SPAG16: variants seen among roughly 807,000 people sequenced by gnomAD.
SPAG16 encodes sperm-associated antigen 16 protein.
In SPAG16, 86 loss-of-function variants were observed where a neutral mutation model predicts 80.4. The ratio of observed to expected loss-of-function variants is 1.07; its 90% CI spans 0.90 to 1.28. The LOEUF (loss-of-function observed/expected upper bound fraction) is 1.28. SPAG16 is among the 50% of genes most tolerant of loss of function. SPAG16 has a pLI of 0.00. For synonymous variants in SPAG16, 294 were observed against 265.9 expected (o/e 1.11, Z -1.03); for missense variants, 870 against 765.3 (o/e 1.14, Z -1.61).
chr2:213,995,826 C>T (rs932603483), intron 12 of SPAG16, among the ~76,000 whole-genome samples: 1 of 152,174 alleles, frequency 6.6e-6, no homozygotes, highest in Admixed American at 6.5e-5. Context: ...TCAGATGAAT[C>T]CTGTGGTGTT....
intron 10 of SPAG16, among the ~76,000 whole-genome samples, chr2:213,789,907 C>A (rs2070585016): frequency 6.6e-6 from 1 of 151,944 alleles, no homozygotes; most frequent in South Asian, 2.1e-4. Context: ...ATATCATTAT[C>A]ATCCAATGTA....
At chr2:213,415,031 C>T (rs1225935943) in intron 9 of SPAG16, among the ~76,000 whole-genome samples, 7 of 152,230 alleles carry the variant, frequency 4.6e-5, no homozygotes, top group Non-Finnish European at 1.0e-4. Context: ...AAAACCGCCC[C>T]CATGATTCAA....
At chr2:214,397,509 T>C (rs540453283) in intron 15 of SPAG16, among the ~76,000 whole-genome samples, 2 of 152,324 alleles carry the variant, frequency 1.3e-5, no homozygotes, top group East Asian at 3.9e-4. Context: ...TGTTCAAATT[T>C]TTCTATTCCT....
At chr2:213,911,849 A>AT (rs2077689172) in intron 11 of SPAG16, among the ~76,000 whole-genome samples, 1 of 151,742 alleles carries the variant, frequency 6.6e-6, no homozygotes. Context: ...AAAAAAAAAA[A>AT]AAATACACAC....
intron 10 of SPAG16, among the ~76,000 whole-genome samples, chr2:213,803,828 C>T (rs1430023148): frequency 6.6e-6 from 1 of 152,202 alleles, no homozygotes; most frequent in African/African-American, 2.4e-5. Context: ...GCCTCAAACT[C>T]CTGGGCTCCA....
rs190475817 is a variant in SPAG16, at chr2:214,242,225, C to T, written c.1720+92959C>T. 2.3e-3 allele frequency among the ~76,000 whole-genome samples: 343 copies of T among 152,270 alleles called. 1 individual carries two copies. The highest frequency in any genetic ancestry group is 5.0e-3 in the South Asian group (24 of 4,820). ...TCATCTTGTAACTTTCACCCAGTCA[C>T]GAAACTCACAAGACAACATACATGG... is the stretch of plus-strand genomic sequence containing the variant. On this transcript the variant is annotated intron_variant, in intron 15 of 15. Coordinates refer to ENST00000331683, the MANE Select transcript of SPAG16 (RefSeq NM_024532.5).
At chr2:213,373,297 A>G (rs1291799272) in intron 8 of SPAG16, among the ~76,000 whole-genome samples, 2 of 152,182 alleles carry the variant, frequency 1.3e-5, no homozygotes, top group African/African-American at 4.8e-5. Flanking sequence ...ATTTTTGTGT[A>G]AGTAAAAGTG....
chr2:213,853,646 G>T (rs2075018423), intron 10 of SPAG16, among the ~76,000 whole-genome samples: 1 of 152,150 alleles, frequency 6.6e-6, no homozygotes, highest in African/African-American at 2.4e-5. Flanking sequence ...ATTAACTTAG[G>T]AATGTTGTGA....
At chr2:213,922,247 G>T (rs1020466972) in intron 11 of SPAG16, among the ~76,000 whole-genome samples, 3 of 138,414 alleles carry the variant, frequency 2.2e-5, no homozygotes, top group Non-Finnish European at 4.8e-5. Flanking sequence ...CTTTATTTTT[G>T]TCTGACTGAG....
At chr2:213,602,414 A>G (rs535732812) in intron 10 of SPAG16, among the ~76,000 whole-genome samples, 1 of 152,166 alleles carries the variant, frequency 6.6e-6, no homozygotes, top group Non-Finnish European at 1.5e-5. Context: ...CGGGCAGATC[A>G]CGAGGTCAAG....
chr2:213,321,895 C>G (rs574380011), intron 5 of SPAG16, among the ~76,000 whole-genome samples: 4 of 152,088 alleles, frequency 2.6e-5, no homozygotes, highest in Non-Finnish European at 4.4e-5. Context: ...AAAAGGAGAG[C>G]ATACGTTTTC....
intron 10 of SPAG16, among the ~76,000 whole-genome samples, chr2:213,705,733 A>C (rs933122936): frequency 1.3e-5 from 2 of 152,204 alleles, no homozygotes; most frequent in African/African-American, 4.8e-5. Context: ...AAGAGAATTT[A>C]TAACATCTTG....
At chr2:213,649,197 A>G (rs766129878) in intron 10 of SPAG16, among the ~76,000 whole-genome samples, 25 of 152,360 alleles carry the variant, frequency 1.6e-4, no homozygotes, top group Non-Finnish European at 3.2e-4. Flanking sequence ...CATTTTGAAT[A>G]ATGAATTTTG....
chr2:214,248,331 ATTATTG>A (rs1198770841), intron 15 of SPAG16, among the ~76,000 whole-genome samples: 3 of 139,542 alleles, frequency 2.1e-5, no homozygotes, highest in South Asian at 2.2e-4. Context: ...TATTATTATT[ATTATTG>A]AGACAGAGTC....
In SPAG16 at chr2:213,344,842, C is replaced by T. The variant is rs927749930; in HGVS notation, c.644+4572C>T. On this transcript the variant is annotated intron_variant, in intron 6 of 15. Transcript: ENST00000331683. The stretch of plus-strand genomic sequence containing the variant: ...GTGAATAGTGCCGCAATAAACATAA[C>T]GTGTGCATGTGTATTTATAGCAGCA... Among the ~76,000 whole-genome samples, 47 of 152,074 alleles carry T rather than the reference C, an allele frequency of 3.1e-4. 1 individual carries two copies. The highest frequency in any genetic ancestry group is 7.3e-5 in the African/African-American group (3 of 41,378).
chr2:213,949,179 T>TTTTTTTTTTTTTTTTTTTTTGTTTTG (rs1553677674), intron 12 of SPAG16, among the ~76,000 whole-genome samples: 3,531 of 35,072 alleles, frequency 0.1, 194 homozygotes, highest in Non-Finnish European at 0.16. Context: ...GTTTTTTTTT[T>TTTTTTTTTTTTTTTTTTTTTGTTTTG]TTTTTTTTTT....
chr2:213,548,569 TACTC>T (rs2076689563), intron 10 of SPAG16, among the ~76,000 whole-genome samples: 2 of 152,320 alleles, frequency 1.3e-5, no homozygotes, highest in Admixed American at 6.5e-5. Flanking sequence ...CGTAATCAAA[TACTC>T]ACGACAGTTT....
intron 15 of SPAG16, among the ~76,000 whole-genome samples, chr2:214,331,549 T>C (rs1017222102): frequency 1.3e-5 from 2 of 152,234 alleles, no homozygotes; most frequent in African/African-American, 2.4e-5. Flanking sequence ...TACTTCTACT[T>C]CTATCATTTG....
At chr2:213,814,381 T>A (rs867127190) in intron 10 of SPAG16, among the ~76,000 whole-genome samples, 11 of 152,350 alleles carry the variant, frequency 7.2e-5, no homozygotes, top group Middle Eastern at 3.4e-3. Flanking sequence ...TATACCTTTA[T>A]AACAACATCT....
Sources: gnomAD v4.1 joint callset for allele counts (sites outside exome capture counted in the v4.1 genomes callset) on GRCh38, gnomAD v4.1.1 for gene constraint, MANE v1.5 for transcripts, NCBI Gene and HGNC (gene_info 2026-07-23, HGNC 2026-07-21) for gene names.